Variants in CLSTN2 observed in about 807,000 individuals in gnomAD.
The protein encoded by CLSTN2 is calsyntenin 2.
CLSTN2 carries 48 observed loss-of-function variants against 101.2 expected under a neutral mutation model. That is an observed-to-expected ratio of 0.47 (90% CI 0.38 to 0.60). CLSTN2 has a LOEUF of 0.60. Ranked by LOEUF, CLSTN2 falls within the 20% of genes least tolerant of loss-of-function variation. The probability of loss-of-function intolerance (pLI) is 0.00; values close to 1 mark genes in which losing one functional copy is unlikely to be tolerated. For missense variants in CLSTN2, 1,160 were observed against 1,238.2 expected (o/e 0.94, Z 0.95); for synonymous variants, 481 against 463.6 (o/e 1.04, Z -0.48).
chr3:140,530,270 ACT>A (rs1680267343), intron 8 of CLSTN2, among the ~76,000 whole-genome samples: 1 of 152,198 alleles, frequency 6.6e-6, no homozygotes, highest in Admixed American at 6.5e-5. Flanking sequence ...AAATATGCAA[ACT>A]CTCAAATTCT....
intron 8 of CLSTN2, among the ~76,000 whole-genome samples, chr3:140,497,095 C>T (rs1422581220): frequency 1.5e-5 from 2 of 132,824 alleles, no homozygotes; most frequent in East Asian, 2.4e-4. Context: ...AGCGAGACTC[C>T]GTCTCAAAAA....
intron 4 of CLSTN2, among the ~76,000 whole-genome samples, chr3:140,419,034 T>TTAA (rs1553741920): frequency 6.6e-5 from 10 of 150,832 alleles, no homozygotes; most frequent in African/African-American, 2.2e-4. Context: ...GACCTTTTTT[T>TTAA]AAAAAAAAAA....
chr3:139,936,119 G>A (rs1935015045), intron 1 of CLSTN2, among the ~76,000 whole-genome samples: 1 of 152,128 alleles, frequency 6.6e-6, no homozygotes. Flanking sequence ...AGCCTAACCT[G>A]GCACCACTCC....
intron 2 of CLSTN2, among the ~76,000 whole-genome samples, chr3:140,400,556 G>T (rs982085852): frequency 6.6e-6 from 1 of 152,060 alleles, no homozygotes; most frequent in Non-Finnish European, 1.5e-5. Context: ...AACTTAGCTG[G>T]TTGTTGGTGG....
chr3:140,226,561 C>T (rs1420150011), intron 2 of CLSTN2, among the ~76,000 whole-genome samples: 1 of 151,968 alleles, frequency 6.6e-6, no homozygotes, highest in Non-Finnish European at 1.5e-5. Flanking sequence ...TAATTTTTCT[C>T]CATATTTGAA....
chr3:140,491,598 G>A (rs1176542067), intron 8 of CLSTN2, among the ~76,000 whole-genome samples: 8 of 152,256 alleles, frequency 5.3e-5, no homozygotes, highest in African/African-American at 1.9e-4. Flanking sequence ...AAGGCGGGCA[G>A]ATTGCTTGAG....
At chr3:140,063,871 G>A (rs969291786) in intron 1 of CLSTN2, among the ~76,000 whole-genome samples, 2 of 152,134 alleles carry the variant, frequency 1.3e-5, no homozygotes, top group African/African-American at 4.8e-5. Context: ...ACTCAATTAT[G>A]GAGTATCACA....
intron 2 of CLSTN2, among the ~76,000 whole-genome samples, chr3:140,235,343 G>A (rs1041938405): frequency 3.9e-5 from 6 of 152,072 alleles, no homozygotes; most frequent in Admixed American, 2.6e-4. Context: ...TCCTTTCCAC[G>A]AAGACTTTCC....
At position 140,364,529 on chromosome 3, in the gene CLSTN2, T is replaced by G. The variant is rs531597041; in HGVS notation, c.233-39100T>G. Reference sequence around the variant, plus strand: ...TTGAAGTTCCATTCAGATGCAGCAGTGAGGAGCAAGGGTACCTATGTCCAG... The same window carrying G: ...TTGAAGTTCCATTCAGATGCAGCAGGGAGGAGCAAGGGTACCTATGTCCAG... On this transcript the variant is annotated intron_variant, in intron 2 of 16. Transcript: ENST00000458420. 3.7e-4 allele frequency among the ~76,000 whole-genome samples: 56 copies of G among 152,146 alleles called. 1 individual carries two copies. In the South Asian group the frequency reaches 0.011, roughly 31 times the overall value.
At chr3:140,284,497 G>T (rs75576116) in intron 2 of CLSTN2, among the ~76,000 whole-genome samples, 2 of 151,996 alleles carry the variant, frequency 1.3e-5, no homozygotes. Context: ...TTCACAAACC[G>T]CAGGGGGTTG....
intron 8 of CLSTN2, among the ~76,000 whole-genome samples, chr3:140,491,030 T>G (rs1934344470): frequency 6.6e-6 from 1 of 152,222 alleles, no homozygotes; most frequent in Admixed American, 6.5e-5. Context: ...TCAACCCCCG[T>G]AAGTCATACG....
intron 2 of CLSTN2, among the ~76,000 whole-genome samples, chr3:140,206,513 C>T (rs1247572950): frequency 1.3e-5 from 2 of 152,166 alleles, no homozygotes; most frequent in African/African-American, 4.8e-5. Context: ...CTTCTTAATA[C>T]CCATCGGCTC....
chr3:140,103,902 T>C lies in CLSTN2; in HGVS notation c.110-72049T>C, dbSNP rs574193895. On this transcript the variant is annotated intron_variant, in intron 1 of 16. Coordinates refer to ENST00000458420, the MANE Select transcript of CLSTN2 (RefSeq NM_022131.3). ...GGTTGTGCAACAATACAGAATAATA[T>C]CTGCCAATAATTGAAAAACTGTGGT... Among the ~76,000 whole-genome samples the C allele has an allele frequency of 2.6e-5, 4 of 152,262 alleles. No individual in the cohort carries two copies. The East Asian group carries it at 7.7e-4, about 29-fold the overall frequency.
rs557796144 is a variant in CLSTN2 at position 140,132,510 on chromosome 3, AT to A, written c.110-43435del. 7.2e-4 allele frequency among the ~76,000 whole-genome samples: 109 copies of A among 152,246 alleles called. No homozygotes were observed. The South Asian group carries it at 8.3e-3, about 12-fold the overall frequency. On this transcript the variant is annotated intron_variant, in intron 1 of 16. Transcript: ENST00000458420. ...TGGACCACGGGCTTTAGTGGACCCAATTTTTTGTCCAGGCTCTGCCACTTTC... is the reference window on the plus strand; with the variant it reads ...TGGACCACGGGCTTTAGTGGACCCAATTTTTGTCCAGGCTCTGCCACTTTC...
intron 8 of CLSTN2, among the ~76,000 whole-genome samples, chr3:140,476,954 C>T (rs918980538): frequency 7.2e-5 from 11 of 152,140 alleles, no homozygotes; most frequent in African/African-American, 2.7e-4. Flanking sequence ...CCACCGTGCC[C>T]AGCCTGTTTT....
At chr3:140,479,175 A>G (rs538255061) in intron 8 of CLSTN2, among the ~76,000 whole-genome samples, 18 of 152,314 alleles carry the variant, frequency 1.2e-4, no homozygotes, top group Middle Eastern at 3.4e-3. Context: ...AAAGGAGACA[A>G]ATTTTGGAAT....
intron 1 of CLSTN2, among the ~76,000 whole-genome samples, chr3:140,033,873 GT>G (rs2007605965): frequency 6.6e-6 from 1 of 152,170 alleles, no homozygotes; most frequent in Non-Finnish European, 1.5e-5. Context: ...AATCTACTGA[GT>G]TGTTATTTCT....
chr3:140,128,198 A>T (rs757283815), intron 1 of CLSTN2, among the ~76,000 whole-genome samples: 5 of 152,228 alleles, frequency 3.3e-5, no homozygotes, highest in African/African-American at 7.2e-5. Context: ...AAGAAATGTT[A>T]AGCTCTCCCA....
intron 1 of CLSTN2, among the ~76,000 whole-genome samples, chr3:140,031,347 A>AT (rs1380040728): frequency 6.6e-6 from 1 of 152,182 alleles, no homozygotes; most frequent in African/African-American, 2.4e-5. Context: ...TAATCACTAC[A>AT]TTCCTGGGAT....
Sources: allele counts gnomAD v4.1 joint callset (sites outside exome capture counted in the v4.1 genomes callset), GRCh38; gene constraint gnomAD v4.1.1; transcripts MANE v1.5; gene names NCBI Gene and HGNC (gene_info 2026-07-23, HGNC 2026-07-21).